GMPS: variants seen among roughly 807,000 people sequenced by gnomAD.
The protein encoded by GMPS is guanosine monophosphate synthase, also known as GMP synthase [glutamine-hydrolyzing].
In GMPS, 15 loss-of-function variants were observed where a neutral mutation model predicts 77.9. That is an observed-to-expected ratio of 0.19 (90% CI 0.13 to 0.30). The LOEUF is 0.30. Ranked by LOEUF, GMPS falls within the 10% of genes least tolerant of loss-of-function variation. The pLI, the probability that GMPS is intolerant of heterozygous loss-of-function variation, is 1.00. For missense variants in GMPS, 590 were observed against 838.8 expected (o/e 0.70, Z 3.66); for synonymous variants, 224 against 275.9 (o/e 0.81, Z 1.86).
chr3:155,884,622 G>A (rs78252208), intron 1 of GMPS, among the ~76,000 whole-genome samples: 369 of 152,106 alleles, frequency 2.4e-3, no homozygotes, highest in African/African-American at 8.5e-3. Context: ...TTGTGGCCCT[G>A]GACCAACTTT....
At chr3:155,898,177 G>A in intron 3 of GMPS, 136 bp downstream of exon 3, 1 of 655,172 alleles carries the variant, frequency 1.5e-6, no homozygotes, top group East Asian at 2.5e-5. Flanking sequence ...TTACAACTAT[G>A]TGAATTGCCA....
chr3:155,884,108 G>A (rs1053501126), intron 1 of GMPS, among the ~76,000 whole-genome samples: 1 of 151,314 alleles, frequency 6.6e-6, no homozygotes, highest in Non-Finnish European at 1.5e-5. Context: ...GAGGCAGGCT[G>A]GGCATGGTGG....
chr3:155,870,266 C>T (rs965884077), upstream of GMPS, among the ~76,000 whole-genome samples: 1 of 152,268 alleles, frequency 6.6e-6, no homozygotes, highest in African/African-American at 2.4e-5. Flanking sequence ...CTCAGGAGGC[C>T]TCTTCGGTGC....
At chr3:155,935,144 T>C in intron 14 of GMPS, 98 bp downstream of exon 14, 1 of 789,144 alleles carries the variant, frequency 1.3e-6, no homozygotes, top group Middle Eastern at 2.3e-4. Context: ...TTTAGATGCT[T>C]TTGTTTTTAT....
chr3:155,888,641 A>G (rs1038995148), intron 1 of GMPS, among the ~76,000 whole-genome samples: 1 of 150,150 alleles, frequency 6.7e-6, no homozygotes, highest in Non-Finnish European at 1.5e-5. Context: ...GCTGGGGTGC[A>G]ATGGTGTGAT....
intron 3 of GMPS, among the ~76,000 whole-genome samples, chr3:155,901,647 G>A (rs879719262): frequency 1.2e-4 from 18 of 151,292 alleles, no homozygotes; most frequent in Non-Finnish European, 2.7e-4. Flanking sequence ...CCCTTGACAT[G>A]ATTAGATTTT....
chr3:155,928,914 A>G (rs1450270936), intron 12 of GMPS, among the ~76,000 whole-genome samples: 1 of 150,420 alleles, frequency 6.6e-6, no homozygotes, highest in African/African-American at 2.4e-5. Flanking sequence ...TATGTGCCAC[A>G]TTTTCTTAAT....
chr3:155,900,372 C>CTT (rs538778720), intron 3 of GMPS, among the ~76,000 whole-genome samples: 1 of 131,070 alleles, frequency 7.6e-6, no homozygotes. Flanking sequence ...TGGCTGGCTT[C>CTT]TTTTTTTTTT....
intron 1 of GMPS, among the ~76,000 whole-genome samples, chr3:155,888,428 TTTTTTA>T (rs1754389119): frequency 6.6e-6 from 1 of 151,926 alleles, no homozygotes; most frequent in African/African-American, 2.4e-5. Flanking sequence ...ATTCCCTCTA[TTTTTTA>T]TTTTTATTTT....
intron 13 of GMPS, among the ~76,000 whole-genome samples, chr3:155,934,637 A>G (rs1273902241): frequency 2.6e-5 from 4 of 152,194 alleles, no homozygotes; most frequent in Non-Finnish European, 5.9e-5. Context: ...ACATTAAGTG[A>G]AAAGAGAGTT....
At position 155,942,611 on chromosome 3, in the gene GMPS, C is replaced by T. The variant is rs1411589505; in HGVS notation, c.*4919C>T. 4.4e-6 allele frequency: 1 copy of T among 228,864 alleles called. No homozygotes were observed. Among genetic ancestry groups the T allele is most frequent in the East Asian group, 6.2e-5 (1 of 16,096 alleles). The allele number at this position is 228,864 out of a possible 1,614,324, so 14.2% of individuals were successfully genotyped here. A position where few individuals can be genotyped will look rare whatever the true frequency, so the allele number is the denominator to read the frequency against. On this transcript the variant is annotated 3_prime_UTR_variant, in exon 16 of 16. Transcript: ENST00000496455. ...ATATTATGTTGTGTGTCAGACACTC[C>T]CAGGACCTGTTTGGTAATAATTAGG... is the stretch of plus-strand genomic sequence containing the variant.
chr3:155,935,162 AT>A (rs1755731629), intron 14 of GMPS, 116 bp downstream of exon 14: 2 of 749,400 alleles, frequency 2.7e-6, no homozygotes, highest in East Asian at 2.4e-5. Flanking sequence ...TATTATTTAA[AT>A]CTTTGAATGT....
At chr3:155,929,525 AGGAGAAG>A (rs1394416851) in intron 12 of GMPS, among the ~76,000 whole-genome samples, 4 of 149,604 alleles carry the variant, frequency 2.7e-5, no homozygotes, top group Non-Finnish European at 5.9e-5. Flanking sequence ...GCAATTAGGC[AGGAGAAG>A]GAAATAAAGG....
At chr3:155,923,349 GT>G (rs1385439663) in intron 11 of GMPS, among the ~76,000 whole-genome samples, 1 of 152,090 alleles carries the variant, frequency 6.6e-6, no homozygotes, top group East Asian at 1.9e-4. Flanking sequence ...GATAAGGCAA[GT>G]GCTAACATAT....
chr3:155,886,596 G>C (rs1470349435), intron 1 of GMPS, among the ~76,000 whole-genome samples: 1 of 128,926 alleles, frequency 7.8e-6, no homozygotes, highest in Non-Finnish European at 1.6e-5. Context: ...AATCTAGCAT[G>C]TCTATTCCTG....
At chr3:155,888,484 C>T (rs1754390437) in intron 1 of GMPS, among the ~76,000 whole-genome samples, 1 of 151,760 alleles carries the variant, frequency 6.6e-6, no homozygotes, top group Non-Finnish European at 1.5e-5. Flanking sequence ...GGCTGGAGTG[C>T]AGTGGCATGA....
At chr3:155,877,325 T>C (rs141287517) in intron 1 of GMPS, among the ~76,000 whole-genome samples, 1 of 152,322 alleles carries the variant, frequency 6.6e-6, no homozygotes, top group African/African-American at 2.4e-5. Flanking sequence ...GTCCTCAATC[T>C]GGATTCTACC....
At chr3:155,905,290 C>T (rs531831647) in intron 4 of GMPS, among the ~76,000 whole-genome samples, 37 of 152,216 alleles carry the variant, frequency 2.4e-4, no homozygotes, top group Non-Finnish European at 2.9e-5. Context: ...CATGAGCCAC[C>T]GCGCCTGGCC....
chr3:155,896,438 A>G (rs1754606013), intron 2 of GMPS, among the ~76,000 whole-genome samples: 1 of 152,148 alleles, frequency 6.6e-6, no homozygotes, highest in African/African-American at 2.4e-5. Context: ...TCTCTTTTGC[A>G]GGACACACAC....
Sources: allele counts gnomAD v4.1 joint callset (sites outside exome capture counted in the v4.1 genomes callset), GRCh38; gene constraint gnomAD v4.1.1; transcripts MANE v1.5; gene names NCBI Gene and HGNC (gene_info 2026-07-23, HGNC 2026-07-21).